TFEC: variants seen among roughly 807,000 people sequenced by gnomAD.
TFEC encodes the protein class E basic helix-loop-helix protein 34.
A neutral mutation model predicts 41.6 loss-of-function variants in TFEC; 31 were observed. That is an observed-to-expected ratio of 0.74 (90% CI 0.56 to 1.01). The LOEUF is 1.01. Ranked by LOEUF, TFEC falls within the 50% of genes least tolerant of loss-of-function variation. The pLI is 0.00. For missense variants in TFEC, 402 were observed against 404.1 expected, an observed-to-expected ratio of 0.99 and a Z score of 0.04; for synonymous variants, 143 against 140.6, an observed-to-expected ratio of 1.02 and a Z score of -0.12.
chr7:116,024,644 T>C (rs1477793671), intron 1 of TFEC, among the ~76,000 whole-genome samples: 1 of 152,188 alleles, frequency 6.6e-6, no homozygotes, highest in African/African-American at 2.4e-5. Flanking sequence ...TTTCATAAAA[T>C]ATACTGTTTT....
chr7:116,031,676 A>T (rs1305305578), upstream of TFEC, among the ~76,000 whole-genome samples: 1 of 152,150 alleles, frequency 6.6e-6, no homozygotes, highest in Non-Finnish European at 1.5e-5. Context: ...TTGTGATCTA[A>T]AAATTGTGCA....
chr7:116,127,027 T>C (rs1421990508), intron 1 of TFEC, among the ~76,000 whole-genome samples: 1 of 152,172 alleles, frequency 6.6e-6, no homozygotes, highest in African/African-American at 2.4e-5. Context: ...ATTTCAACCT[T>C]TCTGACTGGT....
intron 3 of TFEC, among the ~76,000 whole-genome samples, chr7:116,048,275 G>A (rs1451363460): frequency 6.6e-6 from 1 of 152,234 alleles, no homozygotes. Context: ...CCAGTGTAGA[G>A]AAGTCCTTAA....
intron 7 of TFEC, 72 bp downstream of exon 7, chr7:115,941,821 C>G: frequency 6.8e-7 from 1 of 1,466,044 alleles, no homozygotes; most frequent in South Asian, 1.5e-5. Context: ...ATAAATGAGA[C>G]CAATGAAGAA....
intron 1 of TFEC, among the ~76,000 whole-genome samples, chr7:116,150,633 G>A (rs781582387): frequency 2.5e-4 from 38 of 152,104 alleles, no homozygotes; most frequent in Non-Finnish European, 4.6e-4. Context: ...AACAACCCTG[G>A]CACCTACTCT....
rs77780901 is a variant in TFEC, at chr7:116,018,199, A to G, written c.-73+12434T>C. On this transcript the variant is annotated intron_variant, in intron 1 of 7. Coordinates refer to ENST00000265440, the MANE Select transcript of TFEC (RefSeq NM_012252.4). ...ACTATCCTGGTTCAGTGATGAGTTT[A>G]CTAAGATAAAGAGAAGTTAAGTAAT... Among the ~76,000 whole-genome samples the G allele has an allele frequency of 3.6e-3, 550 of 152,338 alleles. 3 individuals are homozygous for G. The highest frequency in any genetic ancestry group is 0.013 in the African/African-American group (533 of 41,590).
intron 3 of TFEC, among the ~76,000 whole-genome samples, chr7:115,970,455 G>T (rs937794214): frequency 5.3e-5 from 8 of 151,878 alleles, no homozygotes; most frequent in Non-Finnish European, 1.2e-4. Context: ...GGGGCAGTGA[G>T]TTTTTTTGTG....
At chr7:116,073,982 C>T (rs906200893) in intron 3 of TFEC, among the ~76,000 whole-genome samples, 8 of 151,842 alleles carry the variant, frequency 5.3e-5, no homozygotes, top group Non-Finnish European at 1.2e-4. Context: ...ATTATCTCTT[C>T]AACAAATGGT....
intron 2 of TFEC, among the ~76,000 whole-genome samples, chr7:115,977,315 T>C (rs918241562): frequency 2.0e-5 from 3 of 151,846 alleles, no homozygotes; most frequent in East Asian, 1.9e-4. Flanking sequence ...AAAGTAAAAA[T>C]GGAGATAATA....
chr7:116,124,900 C>T (rs1233358015), intron 1 of TFEC, among the ~76,000 whole-genome samples: 1 of 152,126 alleles, frequency 6.6e-6, no homozygotes, highest in Non-Finnish European at 1.5e-5. Context: ...ATGCAAATGG[C>T]CTGCATTATA....
chr7:116,062,667 T>C (rs1796597948), intron 3 of TFEC, among the ~76,000 whole-genome samples: 1 of 150,144 alleles, frequency 6.7e-6, no homozygotes. Context: ...TTGCAAATTG[T>C]GCTGCTATAA....
chr7:116,019,877 T>G (rs1795328484), intron 1 of TFEC, among the ~76,000 whole-genome samples: 1 of 152,226 alleles, frequency 6.6e-6, no homozygotes, highest in African/African-American at 2.4e-5. Flanking sequence ...TTAAGCAACT[T>G]GTGTGCTAAC....
At chr7:115,942,887 C>A (rs569285849) in intron 6 of TFEC, among the ~76,000 whole-genome samples, 70 of 151,884 alleles carry the variant, frequency 4.6e-4, no homozygotes, top group African/African-American at 1.6e-3. Context: ...AGAATGAGTC[C>A]AAAGTAATTG....
At chr7:116,145,316 G>A (rs1281669556) in intron 1 of TFEC, among the ~76,000 whole-genome samples, 1 of 152,042 alleles carries the variant, frequency 6.6e-6, no homozygotes, top group Non-Finnish European at 1.5e-5. Context: ...CCCCACCCCT[G>A]AGCTAACTGA....
intron 3 of TFEC, among the ~76,000 whole-genome samples, chr7:116,086,562 C>G (rs1487782830): frequency 1.3e-5 from 2 of 151,750 alleles, no homozygotes; most frequent in African/African-American, 4.8e-5. Flanking sequence ...TCGAATGCTT[C>G]TTTATGAGTA....
intron 3 of TFEC, among the ~76,000 whole-genome samples, chr7:116,093,231 T>C (rs991936713): frequency 1.3e-5 from 2 of 152,062 alleles, no homozygotes; most frequent in Non-Finnish European, 2.9e-5. Flanking sequence ...TGCAATGTGG[T>C]CCATAGAATA....
chr7:115,981,341 A>G (rs17301326), intron 2 of TFEC, among the ~76,000 whole-genome samples: 20,761 of 152,134 alleles, frequency 0.14, 1,919 homozygotes, highest in Non-Finnish European at 0.21. Flanking sequence ...CATTGAAAAA[A>G]TTTATCTTCT....
chr7:115,979,283 A>C (rs576611627), intron 2 of TFEC, among the ~76,000 whole-genome samples: 2 of 152,126 alleles, frequency 1.3e-5, no homozygotes, highest in South Asian at 4.1e-4. Context: ...TAATTTGCTG[A>C]TTACTTACTT....
At chr7:115,951,188 T>A (rs1791921823) in intron 5 of TFEC, among the ~76,000 whole-genome samples, 1 of 152,128 alleles carries the variant, frequency 6.6e-6, no homozygotes, top group Non-Finnish European at 1.5e-5. Flanking sequence ...AAAACATTTT[T>A]AAAAATTCCT....
Sources: gnomAD v4.1 joint callset for allele counts (sites outside exome capture counted in the v4.1 genomes callset) on GRCh38, gnomAD v4.1.1 for gene constraint, MANE v1.5 for transcripts, NCBI Gene and HGNC (gene_info 2026-07-23, HGNC 2026-07-21) for gene names.